MARCHF6: variants seen among roughly 807,000 people sequenced by gnomAD.
MARCHF6 encodes membrane associated ring-CH-type finger 6, also known as E3 ubiquitin-protein ligase MARCHF6.
MARCHF6 carries 31 observed loss-of-function variants against 133.7 expected under a neutral mutation model. That is an observed-to-expected ratio of 0.23 (90% CI 0.17 to 0.31). The LOEUF (loss-of-function observed/expected upper bound fraction) is 0.31, where lower values mean the gene tolerates loss of function less well. Ranked by LOEUF, MARCHF6 falls within the 10% of genes least tolerant of loss-of-function variation. MARCHF6 has a pLI of 1.00. For synonymous variants in MARCHF6, 395 were observed against 402.5 expected (o/e 0.98, Z 0.22); for missense variants, 723 against 1,121.6 (o/e 0.64, Z 5.08).
chr5:10,367,154 A>G (rs1416405886), intron 1 of MARCHF6, among the ~76,000 whole-genome samples: 3 of 152,222 alleles, frequency 2.0e-5, no homozygotes, highest in African/African-American at 7.2e-5. Flanking sequence ...GTCAGAAACA[A>G]GGAAAATCTG....
At chr5:10,420,137 A>G (rs888707516) in intron 22 of MARCHF6, among the ~76,000 whole-genome samples, 25 of 152,150 alleles carry the variant, frequency 1.6e-4, no homozygotes, top group African/African-American at 5.8e-4. Flanking sequence ...ACCTCAAGGT[A>G]TTTGGGCTTC....
chr5:10,356,568 G>C (rs1214173863), intron 1 of MARCHF6, among the ~76,000 whole-genome samples: 1 of 151,664 alleles, frequency 6.6e-6, no homozygotes, highest in Non-Finnish European at 1.5e-5. Context: ...GCTAATTTTT[G>C]TGTTTTTAGT....
chr5:10,417,807 A>AT (rs557583440), intron 22 of MARCHF6, among the ~76,000 whole-genome samples: 79 of 149,722 alleles, frequency 5.3e-4, no homozygotes, highest in East Asian at 1.4e-3. Flanking sequence ...AGAAAGACTA[A>AT]TTTTTTTTTT....
chr5:10,407,302 G>T, intron 17 of MARCHF6, 100 bp downstream of exon 17: 1 of 494,482 alleles, frequency 2.0e-6, no homozygotes, highest in Non-Finnish European at 3.5e-6. Context: ...TATAGTTACT[G>T]GAAATCATCT....
intron 10 of MARCHF6, among the ~76,000 whole-genome samples, chr5:10,399,344 A>T (rs958629200): frequency 1.1e-4 from 17 of 151,964 alleles, no homozygotes; most frequent in Non-Finnish European, 1.5e-5. Flanking sequence ...ATATATTGGA[A>T]ATACATGTTC....
chr5:10,415,368 A>ACATTGATAT (rs1224665649), intron 20 of MARCHF6, 120 bp from the exon 21 acceptor site: 41 of 879,626 alleles, frequency 4.7e-5, no homozygotes, highest in Admixed American at 3.2e-4. Context: ...TTTGATGAAG[A>ACATTGATAT]CATTGATATA....
At chr5:10,383,409 T>C (rs1737274079) in intron 4 of MARCHF6, among the ~76,000 whole-genome samples, 1 of 152,192 alleles carries the variant, frequency 6.6e-6, no homozygotes. Context: ...AACCTAGACA[T>C]ATTCTCAAGT....
rs1371451997 is a variant in MARCHF6, at chr5:10,394,773, A to G, written c.849A>G (p.Ser283=). The part of the protein sequence containing the change: ...TWERMLGLDG[S]LVFLEHVFWV... ...TTTAGATGCTAGGACTTGATGGATC[A>G]CTAGTTTTTCTGGTAAGTAAAACTA... The change falls in exon 9 of 26, where the codon TCA becomes TCG. Residue 283 remains serine (S), a synonymous_variant. Transcript: ENST00000274140. The G allele has an allele frequency of 1.3e-6, 2 of 1,580,688 alleles. No individual in the cohort carries two copies. Among genetic ancestry groups the G allele is most frequent in the Non-Finnish European group, 8.6e-7 (1 of 1,159,478 alleles).
intron 1 of MARCHF6, among the ~76,000 whole-genome samples, chr5:10,358,014 C>T (rs543941233): frequency 1.5e-5 from 2 of 136,908 alleles, no homozygotes; most frequent in South Asian, 2.3e-4. Context: ...GTCACCCAGG[C>T]TGGAGTGCAG....
rs1738066545 is a variant in MARCHF6, at chr5:10,394,673, G to A, written c.829-80G>A. On this transcript the variant is annotated intron_variant, in intron 8 of 25. Coordinates refer to ENST00000274140, the MANE Select transcript of MARCHF6 (RefSeq NM_005885.4). ...GGACTGTGTTTAAAGATATTGAAAG[G>A]AAAATGAGGCTTTTCATAAATTAGA... The A allele has an allele frequency of 9.9e-6, 11 of 1,116,074 alleles. No individual in the cohort carries two copies. The South Asian group carries it at 1.5e-4, about 15-fold the overall frequency. 69.1% of individuals were successfully genotyped at this position (1,116,074 alleles called of 1,614,324 possible). A position where few individuals can be genotyped will look rare whatever the true frequency, so the allele number is the denominator to read the frequency against.
intron 9 of MARCHF6, among the ~76,000 whole-genome samples, chr5:10,395,093 C>T (rs1299927392): frequency 6.6e-6 from 1 of 152,214 alleles, no homozygotes; most frequent in African/African-American, 2.4e-5. Flanking sequence ...GCCACCGCGC[C>T]CGGCCAAAAC....
intron 1 of MARCHF6, among the ~76,000 whole-genome samples, chr5:10,354,190 T>G (rs924504753): frequency 5.3e-5 from 8 of 151,972 alleles, no homozygotes; most frequent in Admixed American, 1.3e-4. Flanking sequence ...CAGGCCGGCG[T>G]GGCCTCCCTT....
In MARCHF6 at chr5:10,434,087, C is replaced by T. The variant is rs1740494729; in HGVS notation, c.*403C>T. On this transcript the variant is annotated 3_prime_UTR_variant, in exon 26 of 26. Coordinates refer to ENST00000274140, the MANE Select transcript of MARCHF6 (RefSeq NM_005885.4). ...CTTTTCAGTGACGCCTTGTGGAACGCAGTTCATGATGTCCTAGCAGCTCTC... is the reference window on the plus strand; with the variant it reads ...CTTTTCAGTGACGCCTTGTGGAACGTAGTTCATGATGTCCTAGCAGCTCTC... 5.5e-6 allele frequency: 1 copy of T among 182,334 alleles called. No individual in the cohort carries two copies. Among genetic ancestry groups the T allele is most frequent in the African/African-American group, 2.4e-5 (1 of 41,862 alleles). The allele number at this position is 182,334 out of a possible 1,614,324, so 11.3% of individuals were successfully genotyped here. A position where few individuals can be genotyped will look rare whatever the true frequency, so the allele number is the denominator to read the frequency against.
chr5:10,433,916 C>T lies in MARCHF6; in HGVS notation c.*232C>T, dbSNP rs1579629168. 2.0e-6 allele frequency: 1 copy of T among 504,304 alleles called. No homozygotes were observed. Among genetic ancestry groups the T allele is most frequent in the East Asian group, 3.5e-5 (1 of 28,212 alleles). The allele number at this position is 504,304 out of a possible 1,614,324, so 31.2% of individuals were successfully genotyped here. A position where few individuals can be genotyped will look rare whatever the true frequency, so the allele number is the denominator to read the frequency against. On this transcript the variant is annotated 3_prime_UTR_variant, in exon 26 of 26. Coordinates refer to ENST00000274140, the MANE Select transcript of MARCHF6 (RefSeq NM_005885.4). ...TGTGTAAATACAAGTTCCTTGATAC[C>T]CTAAAACCTTGGATTAAACAGAATG...
chr5:10,377,412 G>T (rs906077163), intron 1 of MARCHF6, among the ~76,000 whole-genome samples: 3 of 152,158 alleles, frequency 2.0e-5, no homozygotes, highest in Non-Finnish European at 4.4e-5. Flanking sequence ...AGGCTGTTAG[G>T]ACTTTAAACC....
chr5:10,428,387 G>C (rs1436569265), intron 24 of MARCHF6, among the ~76,000 whole-genome samples: 1 of 130,682 alleles, frequency 7.7e-6, no homozygotes, highest in Non-Finnish European at 1.5e-5. Flanking sequence ...TTTTGCCCAG[G>C]CTGGAGTACA....
At chr5:10,378,881 GGC>G (rs1285670699) in intron 3 of MARCHF6, 49 bp downstream of exon 3, 1 of 1,242,140 alleles carries the variant, frequency 8.1e-7, no homozygotes, top group Non-Finnish European at 1.2e-6. Flanking sequence ...TATCACTCGT[GGC>G]ATAAAGGTGT....
At chr5:10,423,254 C>A (rs1394243340) in intron 22 of MARCHF6, among the ~76,000 whole-genome samples, 2 of 152,040 alleles carry the variant, frequency 1.3e-5, no homozygotes, top group Non-Finnish European at 2.9e-5. Flanking sequence ...TCCGTTGCAC[C>A]ATGAGGAGGA....
intron 1 of MARCHF6, among the ~76,000 whole-genome samples, chr5:10,358,541 A>G (rs940377610): frequency 2.0e-5 from 3 of 152,214 alleles, no homozygotes; most frequent in Non-Finnish European, 4.4e-5. Flanking sequence ...ATACAGTATG[A>G]TGACTACATA....
Sources: allele counts gnomAD v4.1 joint callset (sites outside exome capture counted in the v4.1 genomes callset), GRCh38; gene constraint gnomAD v4.1.1; transcripts MANE v1.5; gene names NCBI Gene and HGNC (gene_info 2026-07-23, HGNC 2026-07-21).